The following GALNT13 variants were observed in gnomAD, a reference collection of about 807,000 sequenced individuals.
The protein encoded by GALNT13 is UDP-GalNAc:polypeptide N-acetylgalactosaminyltransferase 13.
Under a neutral mutation model 64.2 loss-of-function variants are expected in GALNT13, and 28 were observed. The ratio of observed to expected loss-of-function variants is 0.44; its 90% CI spans 0.32 to 0.60. GALNT13 has a LOEUF of 0.60. GALNT13 is among the 20% of genes least tolerant of loss of function. GALNT13 has a pLI of 0.05. For missense variants in GALNT13, 577 were observed against 669.8 expected (o/e 0.86, Z 1.53); for synonymous variants, 214 against 224.6 (o/e 0.95, Z 0.42).
chr2:153,105,559 A>G, the GALNT13 span, among the ~76,000 whole-genome samples: 4 of 152,164 alleles, frequency 2.6e-5, no homozygotes, highest in African/African-American at 7.2e-5. Context: ...AGGGCGTTCA[A>G]TTAGGAAAAG....
intron 3 of GALNT13, among the ~76,000 whole-genome samples, chr2:154,063,147 T>C (rs2105371500): frequency 6.6e-6 from 1 of 152,258 alleles, no homozygotes; most frequent in East Asian, 1.9e-4. Flanking sequence ...TTCCTTATTT[T>C]TCTTCACTGC....
chr2:153,932,298 T>A (rs1408918577), intron 2 of GALNT13, among the ~76,000 whole-genome samples: 6 of 151,948 alleles, frequency 3.9e-5, no homozygotes, highest in Non-Finnish European at 8.8e-5. Flanking sequence ...AGTTTAGCTC[T>A]GTTTCTGGTT....
At chr2:153,562,950 T>C in the GALNT13 span, among the ~76,000 whole-genome samples, 13 of 152,206 alleles carry the variant, frequency 8.5e-5, no homozygotes, top group Non-Finnish European at 1.8e-4. Context: ...TTTGCAAATA[T>C]GTAGGTTCAA....
intron 8 of GALNT13, among the ~76,000 whole-genome samples, chr2:154,281,264 G>A (rs769986061): frequency 6.6e-6 from 1 of 152,142 alleles, no homozygotes; most frequent in African/African-American, 2.4e-5. Context: ...ATATCTGACA[G>A]ATGGCCTTAC....
the GALNT13 span, among the ~76,000 whole-genome samples, chr2:153,863,120 A>C: frequency 6.6e-6 from 1 of 152,090 alleles, no homozygotes; most frequent in African/African-American, 2.4e-5. Flanking sequence ...TCTCTGTTAA[A>C]ATTGAATAAT....
At chr2:153,847,206 T>C in the GALNT13 span, among the ~76,000 whole-genome samples, 24 of 152,016 alleles carry the variant, frequency 1.6e-4, no homozygotes, top group African/African-American at 5.3e-4. Flanking sequence ...ATAAAAATTA[T>C]AATTTTAATG....
chr2:153,204,146 TC>T, the GALNT13 span, among the ~76,000 whole-genome samples: 1 of 152,180 alleles, frequency 6.6e-6, no homozygotes, highest in East Asian at 1.9e-4. Flanking sequence ...TGTTGGGTAT[TC>T]CCTTCCCTTC....
At chr2:153,559,988 G>A in the GALNT13 span, among the ~76,000 whole-genome samples, 9 of 152,046 alleles carry the variant, frequency 5.9e-5, no homozygotes, top group African/African-American at 1.7e-4. Context: ...ATGTTTCAAC[G>A]TATTGCAGTC....
chr2:154,298,550 A>G (rs1373026562), intron 8 of GALNT13, among the ~76,000 whole-genome samples: 5 of 93,190 alleles, frequency 5.4e-5, no homozygotes, highest in African/African-American at 2.1e-4. Context: ...TTATATATAA[A>G]TTGTATATAT....
chr2:154,069,425 G>A (rs1199858345), intron 3 of GALNT13, among the ~76,000 whole-genome samples: 1 of 151,716 alleles, frequency 6.6e-6, no homozygotes, highest in Non-Finnish European at 1.5e-5. Context: ...AACACCAAGA[G>A]AGATTTTAAT....
At chr2:153,394,546 T>C in the GALNT13 span, among the ~76,000 whole-genome samples, 1 of 152,086 alleles carries the variant, frequency 6.6e-6, no homozygotes, top group South Asian at 2.1e-4. Flanking sequence ...AGAAAAACAG[T>C]TGAAGGCTCT....
intron 4 of GALNT13, chr2:154,236,119 T>G (rs1689178111): frequency 1.7e-6 from 2 of 1,145,948 alleles, no homozygotes; most frequent in African/African-American, 1.6e-5. Context: ...GGAGAAGACT[T>G]TCTGACTTTC....
the GALNT13 span, among the ~76,000 whole-genome samples, chr2:153,517,757 A>G: frequency 2.6e-5 from 4 of 152,242 alleles, no homozygotes; most frequent in Non-Finnish European, 5.9e-5. Flanking sequence ...CACATATTGT[A>G]GATAAATATC....
intron 3 of GALNT13, among the ~76,000 whole-genome samples, chr2:154,033,138 A>G (rs1380572518): frequency 6.6e-6 from 1 of 151,934 alleles, no homozygotes; most frequent in Non-Finnish European, 1.5e-5. Context: ...TATATCTAAA[A>G]AATGAACATA....
At chr2:154,130,647 T>G (rs1176673635) in intron 3 of GALNT13, among the ~76,000 whole-genome samples, 4 of 152,176 alleles carry the variant, frequency 2.6e-5, no homozygotes, top group African/African-American at 9.6e-5. Flanking sequence ...TGTTAGATAT[T>G]TTATGAAGGT....
chr2:153,651,359 G>C, the GALNT13 span, among the ~76,000 whole-genome samples: 1 of 152,082 alleles, frequency 6.6e-6, no homozygotes, highest in Non-Finnish European at 1.5e-5. Context: ...CAGAAGCCAG[G>C]GTTCATACCT....
chr2:153,294,883 T>C, the GALNT13 span, among the ~76,000 whole-genome samples: 1 of 152,202 alleles, frequency 6.6e-6, no homozygotes, highest in African/African-American at 2.4e-5. Flanking sequence ...GTTTTTTCAC[T>C]GTATCTTACA....
intron 3 of GALNT13, among the ~76,000 whole-genome samples, chr2:153,962,465 A>G (rs1386679368): frequency 6.6e-6 from 1 of 152,340 alleles, no homozygotes; most frequent in East Asian, 1.9e-4. Flanking sequence ...TGTAAAAAGC[A>G]GCTAATAAAT....
At chr2:153,640,817 C>T in the GALNT13 span, among the ~76,000 whole-genome samples, 1 of 151,964 alleles carries the variant, frequency 6.6e-6, no homozygotes, top group Non-Finnish European at 1.5e-5. Flanking sequence ...TCTGCTGCAG[C>T]GGAGATACAC....
Sources: allele counts gnomAD v4.1 joint callset (sites outside exome capture counted in the v4.1 genomes callset), GRCh38; gene constraint gnomAD v4.1.1; transcripts MANE v1.5; gene names NCBI Gene and HGNC (gene_info 2026-07-23, HGNC 2026-07-21).